CECR2: variants seen among roughly 807,000 people sequenced by gnomAD.
CECR2 encodes the protein chromatin remodeling regulator CECR2.
A neutral mutation model predicts 154.5 loss-of-function variants in CECR2; 30 were observed. That is an observed-to-expected ratio of 0.19 (90% CI 0.15 to 0.26). The LOEUF (loss-of-function observed/expected upper bound fraction) is 0.26. Among genes scored for constraint, CECR2 ranks in the 10% least tolerant of loss-of-function variants. The pLI, the probability that CECR2 is intolerant of heterozygous loss-of-function variation, is 1.00. For synonymous variants in CECR2, 725 were observed against 683.7 expected (o/e 1.06, Z -0.94); for missense variants, 1,743 against 1,829.3 (o/e 0.95, Z 0.86).
At chr22:17,465,098 G>A (rs1049646988) in intron 1 of CECR2, among the ~76,000 whole-genome samples, 2 of 150,260 alleles carry the variant, frequency 1.3e-5, no homozygotes, top group East Asian at 2.0e-4. Context: ...CTGGGTTCAC[G>A]CCATTCTCCT....
chr22:17,394,411 G>A (rs1374592829), intron 1 of CECR2, among the ~76,000 whole-genome samples: 3 of 151,570 alleles, frequency 2.0e-5, no homozygotes, highest in Non-Finnish European at 4.4e-5. Flanking sequence ...GTCTTACTAT[G>A]CTATCCAGGC....
chr22:17,464,675 AT>A (rs889162800), intron 1 of CECR2, among the ~76,000 whole-genome samples: 1 of 151,950 alleles, frequency 6.6e-6, no homozygotes, highest in African/African-American at 2.4e-5. Context: ...AATTAAAAAA[AT>A]TTCTTTGTAG....
chr22:17,371,797 T>C (rs2063064380), intron 1 of CECR2, among the ~76,000 whole-genome samples: 1 of 152,230 alleles, frequency 6.6e-6, no homozygotes, highest in African/African-American at 2.4e-5. Context: ...ACTTTATGTC[T>C]CAAAATCCAT....
intron 1 of CECR2, among the ~76,000 whole-genome samples, chr22:17,383,052 C>G (rs1367336010): frequency 6.6e-6 from 1 of 152,086 alleles, no homozygotes; most frequent in African/African-American, 2.4e-5. Context: ...TGGTGAAACC[C>G]CATCTCTACT....
chr22:17,408,933 C>A (rs1436989814), intron 1 of CECR2, among the ~76,000 whole-genome samples: 1 of 152,144 alleles, frequency 6.6e-6, no homozygotes, highest in Non-Finnish European at 1.5e-5. Context: ...TTACCTCGTA[C>A]CATTCTCTCC....
intron 1 of CECR2, among the ~76,000 whole-genome samples, chr22:17,374,640 C>T (rs1159200329): frequency 1.3e-5 from 2 of 152,102 alleles, no homozygotes; most frequent in Non-Finnish European, 2.9e-5. Context: ...CAAGATGTGC[C>T]GCACTAGGAG....
chr22:17,398,877 T>A (rs1385646441), intron 1 of CECR2, among the ~76,000 whole-genome samples: 1 of 152,216 alleles, frequency 6.6e-6, no homozygotes, highest in African/African-American at 2.4e-5. Context: ...TCAGGGAGGC[T>A]TAGTATAGAC....
intron 1 of CECR2, among the ~76,000 whole-genome samples, chr22:17,421,548 G>T (rs906903672): frequency 6.8e-6 from 1 of 146,016 alleles, no homozygotes; most frequent in Non-Finnish European, 1.5e-5. Context: ...CCGGGAGGCG[G>T]AGCTTGCAGT....
rs1202467818 is a variant in CECR2 at position 17,409,964 on chromosome 22, C to CTATTTATTTATTTATTTATT, written c.126+40069_126+40088dup. 5.7e-5 allele frequency among the ~76,000 whole-genome samples: 6 copies of CTATTTATTTATTTATTTATT among 104,688 alleles called. 1 individual carries two copies. The highest frequency in any genetic ancestry group is 2.1e-4 in the African/African-American group (6 of 29,192). 68.7% of individuals were successfully genotyped at this position (104,688 alleles called of 152,430 possible). Reference sequence around the variant, plus strand: ...ACATATTCAATCAAGTGTTTGCTGTCTATTTATTTATTTATTTATTTATTT... The same window carrying CTATTTATTTATTTATTTATT: ...ACATATTCAATCAAGTGTTTGCTGTCTATTTATTTATTTATTTATTTATTTATTTATTTATTTATTTATTT... On this transcript the variant is annotated intron_variant, in intron 1 of 18. Coordinates refer to ENST00000262608, the MANE Select transcript of CECR2 (RefSeq NM_001290047.2).
rs757303440 is a variant in CECR2 at position 17,542,951 on chromosome 22, C to T, written c.2808C>T (p.Asn936=). The T allele has an allele frequency of 6.2e-7, 1 of 1,613,540 alleles. No individual in the cohort carries two copies. Among genetic ancestry groups the T allele is most frequent in the Non-Finnish European group, 8.5e-7 (1 of 1,179,624 alleles). Residue 936 remains asparagine (N), a synonymous_variant, in exon 16 of 19, where the codon AAC becomes AAT. Transcript: ENST00000262608. ...TVSAPKPALG[N]PGRAPENSEA... is the part of the protein sequence containing the mutation. Reference sequence around the variant, plus strand: ...CAGCCCCCAAGCCTGCCCTGGGCAACCCTGGGAGGGCACCGGAGAACAGTG... The same window carrying T: ...CAGCCCCCAAGCCTGCCCTGGGCAATCCTGGGAGGGCACCGGAGAACAGTG...
At chr22:17,449,850 C>G (rs551620424) in intron 1 of CECR2, among the ~76,000 whole-genome samples, 167 of 152,298 alleles carry the variant, frequency 1.1e-3, no homozygotes, top group Admixed American at 3.6e-3. Flanking sequence ...TGGACACTTG[C>G]AATGGTCTGA....
chr22:17,449,361 C>T (rs1225999643), intron 1 of CECR2, among the ~76,000 whole-genome samples: 3 of 151,994 alleles, frequency 2.0e-5, no homozygotes, highest in Non-Finnish European at 4.4e-5. Context: ...CAGACTCACA[C>T]ACCAGCTGTT....
chr22:17,541,808 T>G (rs374890890), intron 14 of CECR2, 31 bp from the exon 15 acceptor site: 2 of 1,580,942 alleles, frequency 1.3e-6, no homozygotes, highest in African/African-American at 1.4e-5. Flanking sequence ...CTTTCCTTTT[T>G]CCTCTTCTTG....
intron 1 of CECR2, among the ~76,000 whole-genome samples, chr22:17,433,332 T>C (rs1029902859): frequency 8.5e-5 from 13 of 152,194 alleles, no homozygotes; most frequent in Non-Finnish European, 1.8e-4. Context: ...GATAAAGGTA[T>C]TTTAAAGGTT....
At chr22:17,394,310 T>C (rs1405479343) in intron 1 of CECR2, among the ~76,000 whole-genome samples, 1 of 149,784 alleles carries the variant, frequency 6.7e-6, no homozygotes, top group Non-Finnish European at 1.5e-5. Context: ...TCAAACAGTC[T>C]TCCCACCTCA....
chr22:17,509,266 G>A (rs1312320075), intron 7 of CECR2, among the ~76,000 whole-genome samples: 1 of 152,052 alleles, frequency 6.6e-6, no homozygotes, highest in African/African-American at 2.4e-5. Flanking sequence ...AAAATGCAGT[G>A]TGTAATGGAG....
At chr22:17,444,077 G>A (rs374659777) in intron 1 of CECR2, among the ~76,000 whole-genome samples, 6 of 152,126 alleles carry the variant, frequency 3.9e-5, no homozygotes, top group African/African-American at 1.2e-4. Flanking sequence ...TTGGCTGGTC[G>A]GACTGGCAGT....
intron 1 of CECR2, among the ~76,000 whole-genome samples, chr22:17,376,868 C>T (rs1267984902): frequency 6.6e-6 from 1 of 152,086 alleles, no homozygotes; most frequent in Non-Finnish European, 1.5e-5. Flanking sequence ...AAACTCCTGA[C>T]CTCGTGATCC....
intron 1 of CECR2, among the ~76,000 whole-genome samples, chr22:17,445,005 G>A (rs986837944): frequency 3.3e-5 from 5 of 152,072 alleles, no homozygotes; most frequent in African/African-American, 1.2e-4. Context: ...TTTGATCTTT[G>A]ACTTCTCAAA....
Sources: allele counts gnomAD v4.1 joint callset (sites outside exome capture counted in the v4.1 genomes callset), GRCh38; gene constraint gnomAD v4.1.1; transcripts MANE v1.5; gene names NCBI Gene and HGNC (gene_info 2026-07-23, HGNC 2026-07-21).